Variants in TCAF1 observed in about 807,000 individuals in gnomAD.
TCAF1 encodes TRPM8 channel associated factor 1, also known as TRPM8 channel-associated factor 1.
Under a neutral mutation model 27.3 loss-of-function variants are expected in TCAF1, and 4 were observed. That is an observed-to-expected ratio of 0.15 (90% CI 0.07 to 0.34). The LOEUF is 0.34. Ranked by LOEUF, TCAF1 falls within the 10% of genes least tolerant of loss-of-function variation. TCAF1 has a pLI of 1.00. For synonymous variants in TCAF1, 105 were observed against 167.1 expected (o/e 0.63, Z 2.87); for missense variants, 257 against 425.8 (o/e 0.60, Z 3.49).
Position 143,895,735 on chromosome 7 carries a change from C to A in TCAF1, c.-15+6226G>T, listed in dbSNP as rs114341821. ...AATAACAATAATCATTTGATACTTG[C>A]GGGGTAAGAGACAAGGTACTAAGGA... On this transcript the variant is annotated intron_variant, in intron 1 of 8. Coordinates refer to ENST00000479870, the MANE Select transcript of TCAF1 (RefSeq NM_014719.3). Among the ~76,000 whole-genome samples, 20 of 151,086 alleles carry A rather than the reference C, an allele frequency of 1.3e-4. 2 individuals are homozygous for A. The highest frequency in any genetic ancestry group is 5.9e-4 in the Admixed American group (9 of 15,172).
intron 1 of TCAF1, among the ~76,000 whole-genome samples, chr7:143,901,151 CTGAGA>C (rs879669922): frequency 2.0e-5 from 3 of 152,140 alleles, no homozygotes; most frequent in Non-Finnish European, 2.9e-5. Flanking sequence ...TTAGACCATT[CTGAGA>C]TATTTCATTT....
At chr7:143,882,247 A>T in intron 1 of TCAF1, 1 of 246,526 alleles carries the variant, frequency 4.1e-6, no homozygotes, top group Non-Finnish European at 6.3e-6. Context: ...TCCAGGGGCC[A>T]GTGCCAGTGG....
At chr7:143,892,410 A>C (rs1046963949) in intron 1 of TCAF1, among the ~76,000 whole-genome samples, 4 of 152,120 alleles carry the variant, frequency 2.6e-5, no homozygotes, top group Non-Finnish European at 5.9e-5. Flanking sequence ...TTATAATTCA[A>C]AATATTGAAG....
intron 7 of TCAF1, among the ~76,000 whole-genome samples, 189 bp from the exon 8 acceptor site, chr7:143,857,539 G>C (rs1024210968): frequency 6.6e-6 from 1 of 152,312 alleles, no homozygotes; most frequent in Non-Finnish European, 1.5e-5. Context: ...TCTTAGGAAG[G>C]GCCTTGGGAC....
intron 1 of TCAF1, among the ~76,000 whole-genome samples, chr7:143,895,970 G>A (rs572173861): frequency 2.3e-4 from 35 of 150,324 alleles, no homozygotes; most frequent in Non-Finnish European, 4.3e-4. Flanking sequence ...AAACATAAAA[G>A]GCAGGAAAAA....
intron 1 of TCAF1, among the ~76,000 whole-genome samples, chr7:143,892,273 T>TGCAAGATGGAG (rs1475476050): frequency 2.6e-5 from 4 of 152,100 alleles, no homozygotes; most frequent in Non-Finnish European, 5.9e-5. Flanking sequence ...ATAGTACAGC[T>TGCAAGATGGAG]GCAAGATGGA....
intron 6 of TCAF1, among the ~76,000 whole-genome samples, chr7:143,859,925 TTATATAA>T (rs1226832771): frequency 4.4e-4 from 37 of 83,416 alleles, no homozygotes; most frequent in Middle Eastern, 0.011. Context: ...GGAATATATA[TTATATAA>T]TATATATTAT....
intron 1 of TCAF1, among the ~76,000 whole-genome samples, chr7:143,894,580 A>AT (rs1813789082): frequency 6.6e-6 from 1 of 151,796 alleles, no homozygotes; most frequent in South Asian, 2.1e-4. Context: ...TCTGAGATAA[A>AT]TTATAAAACT....
intron 2 of TCAF1, among the ~76,000 whole-genome samples, chr7:143,868,397 G>GT (rs1286766591): frequency 2.0e-5 from 3 of 149,378 alleles, no homozygotes; most frequent in African/African-American, 7.4e-5. Flanking sequence ...ATTGAATTTT[G>GT]TATCTTACAA....
At position 143,889,095 on chromosome 7, in the gene TCAF1, G is replaced by A. The variant is rs901638299; in HGVS notation, c.-14-12473C>T. On this transcript the variant is annotated intron_variant, in intron 1 of 8. Coordinates refer to ENST00000479870, the MANE Select transcript of TCAF1 (RefSeq NM_014719.3). ...AGAAAGAATTACTGAACTGGATCTG[G>A]AGTAGAGGAAATTATTCATAATTCA... 2.6e-5 allele frequency among the ~76,000 whole-genome samples: 4 copies of A among 152,108 alleles called. No homozygotes were observed. In the East Asian group the frequency reaches 5.8e-4, roughly 22 times the overall value.
At chr7:143,898,788 A>C (rs962329094) in intron 1 of TCAF1, among the ~76,000 whole-genome samples, 8 of 152,226 alleles carry the variant, frequency 5.3e-5, no homozygotes, top group Non-Finnish European at 1.2e-4. Context: ...GTCCCTCAAA[A>C]AGCAGGTGTT....
intron 1 of TCAF1, among the ~76,000 whole-genome samples, chr7:143,878,506 C>A (rs1812844752): frequency 6.6e-6 from 1 of 152,290 alleles, no homozygotes; most frequent in South Asian, 2.1e-4. Context: ...CAAGACCATA[C>A]TGGCCATTTA....
At chr7:143,897,664 T>C (rs1355280412) in intron 1 of TCAF1, among the ~76,000 whole-genome samples, 1 of 152,100 alleles carries the variant, frequency 6.6e-6, no homozygotes, top group Non-Finnish European at 1.5e-5. Flanking sequence ...GTGAAATTGT[T>C]AAATATCTTG....
intron 2 of TCAF1, among the ~76,000 whole-genome samples, chr7:143,875,578 T>A (rs1812650774): frequency 6.6e-6 from 1 of 152,190 alleles, no homozygotes; most frequent in Non-Finnish European, 1.5e-5. Context: ...GGATAGACAT[T>A]TCAAAACCTT....
chr7:143,886,700 CTTTTT>C (rs11398264), intron 1 of TCAF1, among the ~76,000 whole-genome samples: 1 of 89,164 alleles, frequency 1.1e-5, no homozygotes, highest in Non-Finnish European at 2.0e-5. Context: ...CAAATTTTAC[CTTTTT>C]TTTTTTTTTT....
Position 143,885,748 on chromosome 7 carries a change from G to C in TCAF1, c.-14-9126C>G, listed in dbSNP as rs573172615. On this transcript the variant is annotated intron_variant, in intron 1 of 8. Coordinates refer to ENST00000479870, the MANE Select transcript of TCAF1 (RefSeq NM_014719.3). Reference sequence around the variant, plus strand: ...CATAGTAAAAAACGTTCCATTTTGTGTAAAAAAAACTTCAAAACTGTTCAT... The same window carrying C: ...CATAGTAAAAAACGTTCCATTTTGTCTAAAAAAAACTTCAAAACTGTTCAT... Among the ~76,000 whole-genome samples, 562 of 151,640 alleles carry C rather than the reference G, an allele frequency of 3.7e-3. 2 individuals are homozygous for C. Among genetic ancestry groups the C allele is most frequent in the African/African-American group, 0.013 (531 of 41,334 alleles).
At chr7:143,879,269 T>C (rs1288554865) in intron 1 of TCAF1, among the ~76,000 whole-genome samples, 1 of 152,156 alleles carries the variant, frequency 6.6e-6, no homozygotes, top group Non-Finnish European at 1.5e-5. Context: ...TCAATCTCAC[T>C]AGTAGTCAAG....
chr7:143,900,239 AC>A lies in TCAF1; in HGVS notation c.-15+1721del, dbSNP rs368752081. ...CTCCAGGTGTTCATGTCCTTGTGTC[AC>A]CCCCTTCCCTTCAGTGTGAGTTGGG... On this transcript the variant is annotated intron_variant, in intron 1 of 8. Coordinates refer to ENST00000479870, the MANE Select transcript of TCAF1 (RefSeq NM_014719.3). 1.0e-3 allele frequency among the ~76,000 whole-genome samples: 159 copies of A among 152,152 alleles called. 1 individual carries two copies. Among genetic ancestry groups the A allele is most frequent in the Non-Finnish European group, 1.6e-3 (107 of 67,992 alleles).
Position 143,875,974 on chromosome 7 carries a change from G to A in TCAF1, c.620+15C>T, listed in dbSNP as rs748649069. 1 of 1,525,158 alleles carries A rather than the reference G, an allele frequency of 6.6e-7. No homozygotes were observed. The highest frequency in any genetic ancestry group is 1.4e-5 in the African/African-American group (1 of 72,054). 94.5% of individuals were successfully genotyped at this position (1,525,158 alleles called of 1,614,324 possible). The stretch of plus-strand genomic sequence containing the variant: ...CAACCCTGGAGCCAACTCCCCAGTG[G>A]GGTAACATACTCACCTAACCAACAC... On this transcript the variant is annotated intron_variant, in intron 2 of 8. Transcript: ENST00000479870.
Sources: gnomAD v4.1 joint callset for allele counts (sites outside exome capture counted in the v4.1 genomes callset) on GRCh38, gnomAD v4.1.1 for gene constraint, MANE v1.5 for transcripts, NCBI Gene and HGNC (gene_info 2026-07-23, HGNC 2026-07-21) for gene names.